LARGE1: variants seen among roughly 807,000 people sequenced by gnomAD.
LARGE1 encodes LARGE xylosyl- and glucuronyltransferase 1, also known as xylosyl- and glucuronyltransferase LARGE1.
A neutral mutation model predicts 87.6 loss-of-function variants in LARGE1; 43 were observed. That is an observed-to-expected ratio of 0.49 (90% CI 0.38 to 0.63). The LOEUF is 0.63. Ranked by LOEUF, LARGE1 falls within the 30% of genes least tolerant of loss-of-function variation. LARGE1 has a pLI of 0.00. For synonymous variants in LARGE1, 434 were observed against 394.6 expected, an observed-to-expected ratio of 1.10 and a Z score of -1.18; for missense variants, 802 against 1,000.2, an observed-to-expected ratio of 0.80 and a Z score of 2.67.
In LARGE1 at chr22:33,575,071, T is replaced by G. The variant is rs559658331; in HGVS notation, c.616-10052A>C. On this transcript the variant is annotated intron_variant, in intron 5 of 14. Coordinates refer to ENST00000397394, the MANE Select transcript of LARGE1 (RefSeq NM_133642.5). Reference sequence around the variant, plus strand: ...TATTGAGAGGTTACAATTCATTAGATTTGTGGTAGGGCCTAGAAATCCGTA... The same window carrying G: ...TATTGAGAGGTTACAATTCATTAGAGTTGTGGTAGGGCCTAGAAATCCGTA... 8.5e-5 allele frequency among the ~76,000 whole-genome samples: 13 copies of G among 152,204 alleles called. No individual in the cohort carries two copies. The South Asian group carries it at 2.1e-3, about 24-fold the overall frequency.
At chr22:33,729,386 T>C (rs1350122400) in intron 2 of LARGE1, among the ~76,000 whole-genome samples, 2 of 152,220 alleles carry the variant, frequency 1.3e-5, no homozygotes, top group Non-Finnish European at 2.9e-5. Flanking sequence ...CATTGAACAA[T>C]GTCATGGGAA....
chr22:33,673,610 T>C (rs779159441), intron 2 of LARGE1, among the ~76,000 whole-genome samples: 12 of 152,230 alleles, frequency 7.9e-5, no homozygotes, highest in Non-Finnish European at 1.8e-4. Flanking sequence ...TACACTGCTG[T>C]GCAGCCATCA....
intron 1 of LARGE1, among the ~76,000 whole-genome samples, chr22:33,831,058 G>A (rs1462680137): frequency 6.6e-6 from 1 of 152,034 alleles, no homozygotes; most frequent in East Asian, 1.9e-4. Context: ...TGATGACGAT[G>A]ATACTGCTCA....
intron 2 of LARGE1, among the ~76,000 whole-genome samples, chr22:33,708,442 GC>G (rs1319342629): frequency 6.6e-6 from 1 of 152,054 alleles, no homozygotes; most frequent in African/African-American, 2.4e-5. Context: ...TTACATGCCT[GC>G]CTGAGGCATT....
At chr22:33,607,254 G>A (rs371691788) in intron 4 of LARGE1, among the ~76,000 whole-genome samples, 2 of 152,156 alleles carry the variant, frequency 1.3e-5, no homozygotes, top group African/African-American at 4.8e-5. Flanking sequence ...CTGAGGTCAC[G>A]AGTTTGAGTC....
intron 2 of LARGE1, among the ~76,000 whole-genome samples, chr22:33,748,520 G>A (rs771011234): frequency 6.6e-6 from 1 of 152,278 alleles, no homozygotes; most frequent in East Asian, 1.9e-4. Context: ...ATTCATGCTA[G>A]GCACCATGGA....
chr22:33,633,869 A>T (rs1264484720), intron 3 of LARGE1, among the ~76,000 whole-genome samples: 1 of 152,188 alleles, frequency 6.6e-6, no homozygotes, highest in Non-Finnish European at 1.5e-5. Context: ...GGCAGCAGCG[A>T]GGGTCAGAGG....
chr22:33,274,897 C>G (rs983028213), intron 14 of LARGE1, among the ~76,000 whole-genome samples: 3 of 152,118 alleles, frequency 2.0e-5, no homozygotes, highest in African/African-American at 7.2e-5. Flanking sequence ...GACGGAGAAG[C>G]CAATACTGTA....
intron 5 of LARGE1, among the ~76,000 whole-genome samples, chr22:33,599,836 G>A (rs1295415637): frequency 2.6e-5 from 4 of 152,164 alleles, no homozygotes; most frequent in Non-Finnish European, 5.9e-5. Context: ...ATGCAACTGT[G>A]GAACACGGCG....
At chr22:33,892,370 G>T (rs112793978) in intron 1 of LARGE1, among the ~76,000 whole-genome samples, 1 of 152,238 alleles carries the variant, frequency 6.6e-6, no homozygotes, top group Non-Finnish European at 1.5e-5. Context: ...TGTGGCAAAG[G>T]CAGGGACACA....
At chr22:33,690,040 T>C (rs1270277734) in intron 2 of LARGE1, among the ~76,000 whole-genome samples, 2 of 152,180 alleles carry the variant, frequency 1.3e-5, no homozygotes, top group Non-Finnish European at 2.9e-5. Flanking sequence ...TCACTAGACA[T>C]CCGTCCTCCA....
intron 6 of LARGE1, among the ~76,000 whole-genome samples, chr22:33,511,808 C>T (rs949352887): frequency 6.6e-6 from 1 of 152,166 alleles, no homozygotes; most frequent in Non-Finnish European, 1.5e-5. Context: ...TGTCATTTTT[C>T]TACTTAGTAC....
At chr22:33,154,874 T>C in the LARGE1 span, among the ~76,000 whole-genome samples, 5 of 152,204 alleles carry the variant, frequency 3.3e-5, no homozygotes, top group Admixed American at 3.3e-4. Context: ...TGGGAGGTAA[T>C]TGAATCATGG....
At chr22:33,136,446 A>G in the LARGE1 span, among the ~76,000 whole-genome samples, 39 of 152,312 alleles carry the variant, frequency 2.6e-4, 2 homozygotes, top group South Asian at 6.2e-3. Flanking sequence ...AACCACCCCC[A>G]TGATTATTAA....
At chr22:33,072,747 A>G in the LARGE1 span, among the ~76,000 whole-genome samples, 2 of 152,102 alleles carry the variant, frequency 1.3e-5, no homozygotes, top group African/African-American at 2.4e-5. Flanking sequence ...CATAAAGCCA[A>G]TTCTGACTCT....
intron 11 of LARGE1, among the ~76,000 whole-genome samples, chr22:33,172,554 C>A (rs1922633233): frequency 6.6e-6 from 1 of 152,152 alleles, no homozygotes; most frequent in South Asian, 2.1e-4. Context: ...CCAAATTTCT[C>A]TGCAATAGAA....
intron 11 of LARGE1, among the ~76,000 whole-genome samples, chr22:33,250,133 A>C (rs1161623240): frequency 1.3e-5 from 2 of 152,178 alleles, no homozygotes; most frequent in African/African-American, 2.4e-5. Flanking sequence ...GGAAGGTCTG[A>C]TATCTTGATA....
intron 6 of LARGE1, among the ~76,000 whole-genome samples, chr22:33,484,521 G>T (rs2069479983): frequency 6.6e-6 from 1 of 152,170 alleles, no homozygotes; most frequent in African/African-American, 2.4e-5. Context: ...AGAACAGTTT[G>T]CAAGAAGGCT....
At chr22:33,819,795 T>A (rs4820114) in intron 1 of LARGE1, among the ~76,000 whole-genome samples, 1 of 151,962 alleles carries the variant, frequency 6.6e-6, no homozygotes, top group African/African-American at 2.4e-5. Context: ...ACTCAGTTTC[T>A]TCTCCTATAC....
Sources: gnomAD v4.1 joint callset for allele counts (sites outside exome capture counted in the v4.1 genomes callset) on GRCh38, gnomAD v4.1.1 for gene constraint, MANE v1.5 for transcripts, NCBI Gene and HGNC (gene_info 2026-07-23, HGNC 2026-07-21) for gene names.